SEC16B: variants seen among roughly 807,000 people sequenced by gnomAD.
SEC16B encodes SEC16 homolog B, endoplasmic reticulum export factor.
SEC16B carries 115 observed loss-of-function variants against 141.8 expected under a neutral mutation model. That is an observed-to-expected ratio of 0.81 (90% confidence interval 0.70 to 0.95). SEC16B has a LOEUF of 0.95. SEC16B is among the 40% of genes least tolerant of loss of function. The probability of loss-of-function intolerance (pLI) is 0.00; values close to 1 mark genes in which losing one functional copy is unlikely to be tolerated. For synonymous variants in SEC16B, 493 were observed against 492.5 expected, an observed-to-expected ratio of 1.00 and a Z score of -0.01; for missense variants, 1,291 against 1,312.3, an observed-to-expected ratio of 0.98 and a Z score of 0.25.
chr1:177,968,092 A>G, intron 1 of SEC16B, 53 bp from the exon 2 acceptor site: 1 of 1,074,382 alleles, frequency 9.3e-7, no homozygotes, highest in Non-Finnish European at 1.3e-6. Context: ...ATATCCAAAC[A>G]TAGTGGTTGA....
intron 15 of SEC16B, among the ~76,000 whole-genome samples, chr1:177,942,356 G>T (rs964036323): frequency 6.6e-6 from 1 of 152,172 alleles, no homozygotes; most frequent in Admixed American, 6.5e-5. Context: ...CTGATGTAGA[G>T]GCATAGCACC....
At chr1:177,948,922 T>TACACACACACACAC (rs71108020) in intron 12 of SEC16B, among the ~76,000 whole-genome samples, 1 of 149,264 alleles carries the variant, frequency 6.7e-6, no homozygotes, top group Non-Finnish European at 1.5e-5. Flanking sequence ...TAGGTATAAA[T>TACACACACACACAC]ACACACACAC....
At chr1:177,979,558 C>T (rs1953959) in intron 1 of SEC16B, among the ~76,000 whole-genome samples, 17,562 of 152,252 alleles carry the variant, frequency 0.12, 1,713 homozygotes, top group African/African-American at 0.26. Flanking sequence ...CCATAGAAGC[C>T]ACTTATGATG....
rs184746545 is a variant in SEC16B at position 177,968,968 on chromosome 1, G to A, written c.-59+916C>T. On this transcript the variant is annotated intron_variant, in intron 1 of 25. Transcript: ENST00000308284. ...TGCTCCAAGGACTGATTACCTTCCA[G>A]GTTCCTCTGCCCATTGCACGGGGTA... is the stretch of plus-strand genomic sequence containing the variant. Among the ~76,000 whole-genome samples the A allele has an allele frequency of 3.9e-5, 6 of 152,288 alleles. No individual in the cohort carries two copies. In the East Asian group the frequency reaches 1.2e-3, roughly 29 times the overall value.
intron 1 of SEC16B, among the ~76,000 whole-genome samples, chr1:177,976,535 T>C (rs10913480): frequency 0.14 from 20,808 of 152,178 alleles, 1,774 homozygotes; most frequent in East Asian, 0.42. Flanking sequence ...TGAATCCCAG[T>C]CCTACTATGC....
At chr1:177,960,454 C>T in intron 7 of SEC16B, 51 bp from the exon 8 acceptor site, 4 of 1,289,432 alleles carry the variant, frequency 3.1e-6, no homozygotes, top group Non-Finnish European at 4.4e-6. Flanking sequence ...CACCCTAGGC[C>T]CCTTTCAGTC....
At chr1:177,931,700 A>T (rs539410015) in intron 24 of SEC16B, among the ~76,000 whole-genome samples, 1 of 152,364 alleles carries the variant, frequency 6.6e-6, no homozygotes, top group South Asian at 2.1e-4. Context: ...GGCAATACTG[A>T]CAAGAAGAAA....
At chr1:177,955,305 G>A (rs1652514061) in intron 10 of SEC16B, among the ~76,000 whole-genome samples, 1 of 151,882 alleles carries the variant, frequency 6.6e-6, no homozygotes, top group Admixed American at 6.6e-5. Flanking sequence ...GACCAGCCCT[G>A]GCAACATAGC....
At chr1:177,930,147 G>T (rs189507199) in intron 25 of SEC16B, among the ~76,000 whole-genome samples, 3 of 152,252 alleles carry the variant, frequency 2.0e-5, no homozygotes, top group Admixed American at 2.0e-4. Flanking sequence ...CATTAGCAGA[G>T]CTAAGTCTAC....
Position 177,954,343 on chromosome 1 carries a change from A to G in SEC16B, c.1399T>C (p.Trp467Arg), listed in dbSNP as rs1444441547. The change falls in exon 11 of 26, where the codon TGG becomes CGG. Residue 467 changes from tryptophan (W) to arginine (R), a missense_variant. This residue lies in a region of SEC16B where 681 missense variants were observed against 675.5 expected (regional missense o/e 1.01). Transcript: ENST00000308284. ...CTGGACAGGAACAAAGCATGGCCCCACAAGTGGTTCTTCATGGCCCACTCC... is the reference window on the plus strand; with the variant it reads ...CTGGACAGGAACAAAGCATGGCCCCGCAAGTGGTTCTTCATGGCCCACTCC... ...ALEWAMKNHL[W>R]GHALFLSSKM... The G allele has an allele frequency of 8.9e-6, 14 of 1,575,796 alleles. No individual in the cohort carries two copies. The highest frequency in any genetic ancestry group is 1.1e-5 in the Non-Finnish European group (13 of 1,159,700).
rs376183957 is a variant in SEC16B at position 177,958,261 on chromosome 1, G to A, written c.1236C>T (p.Thr412=). The change falls in exon 10 of 26, where the codon ACC becomes ACT. Residue 412 remains threonine, a synonymous_variant. Transcript: ENST00000308284. ...QPPVANLINL[T]DEDWPVLSSG... ...AGCTCAGCACTGGCCAGTCCTCATC[G>A]GTCAGGTTGATGAGGTTGGCCACAG... The A allele has an allele frequency of 1.2e-5, 19 of 1,610,566 alleles. No homozygotes were observed. The highest frequency in any genetic ancestry group is 5.0e-5 in the Admixed American group (3 of 59,828).
chr1:177,981,727 A>G (rs1231982046), intron 1 of SEC16B, among the ~76,000 whole-genome samples: 1 of 152,122 alleles, frequency 6.6e-6, no homozygotes, highest in Non-Finnish European at 1.5e-5. Flanking sequence ...AGAGAAAGCT[A>G]TGTTCAGGAT....
intron 12 of SEC16B, 116 bp from the exon 13 acceptor site, chr1:177,948,058 A>T: frequency 1.2e-6 from 1 of 815,266 alleles, no homozygotes; most frequent in South Asian, 1.6e-5. Flanking sequence ...CCACTCTACC[A>T]CCTGCAATGC....
chr1:177,945,675 T>C (rs1327596134), intron 14 of SEC16B: 1 of 152,304 alleles, frequency 6.6e-6, no homozygotes, highest in Non-Finnish European at 1.5e-5. Context: ...CCTCCATAAG[T>C]GACGATTAAA....
At position 177,960,909 on chromosome 1, in the gene SEC16B, A is replaced by C. The variant is rs558592783; in HGVS notation, c.818T>G (p.Met273Arg). 1 of 1,613,974 alleles carries C rather than the reference A, an allele frequency of 6.2e-7. No homozygotes were observed. Residue 273 changes from methionine to arginine, a missense_variant, in exon 7 of 26, where the codon ATG becomes AGG. By Grantham distance (91) the Met-to-Arg change is moderately conservative. Coordinates refer to ENST00000308284, the MANE Select transcript of SEC16B (RefSeq NM_033127.4). ...AGGAACATGAGGGATGTAGAACTTC[A>C]TGGGTGCTTTGGGACCAGCTGAGGA... ...DVSSAGPKAP[M>R]KFYIPHVPVS...
At position 177,932,780 on chromosome 1, in the gene SEC16B, G is replaced by T; in HGVS notation, c.2850C>A (p.His950Gln). The change falls in exon 23 of 26, where the codon CAC becomes CAA. Residue 950 changes from histidine to glutamine, a missense_variant. His to Gln is a conservative substitution (Grantham distance 24). Transcript: ENST00000308284. ...TCAGTGAGAGGCCCAGGCCAGCCTGGTGGGGAGAAGATGCTCTGGGGGTCT... is the reference window on the plus strand; with the variant it reads ...TCAGTGAGAGGCCCAGGCCAGCCTGTTGGGGAGAAGATGCTCTGGGGGTCT... ...SEETPRASSP[H>Q]QAGLGLSLTP... The T allele has an allele frequency of 6.2e-7, 1 of 1,612,838 alleles. No homozygotes were observed. Among genetic ancestry groups the T allele is most frequent in the South Asian group, 1.1e-5 (1 of 90,674 alleles).
At position 177,960,746 on chromosome 1, in the gene SEC16B, G is replaced by C. The variant is rs774240989; in HGVS notation, c.936+45C>G. The C allele has an allele frequency of 1.9e-5, 30 of 1,554,786 alleles. No homozygotes were observed. In the East Asian group the frequency reaches 7.0e-4, roughly 36 times the overall value. On this transcript the variant is annotated intron_variant, in intron 7 of 25. Transcript: ENST00000308284. ...AAGGTAAGCATGTTAGGAGTAGTTGGGTAAGCAGTGTGCCAGCATTCCAGG... is the reference window on the plus strand; with the variant it reads ...AAGGTAAGCATGTTAGGAGTAGTTGCGTAAGCAGTGTGCCAGCATTCCAGG...
In SEC16B at chr1:177,946,464, G is replaced by A. The variant is rs985663578; in HGVS notation, c.1731C>T (p.Tyr577=). The part of the protein sequence containing the change: ...YLMAHVPFGH[Y]TVKTDHLVLL... ...AGACCAGATGGTCTGTCTTCACGGTGTAGTGGCCAAAGGGCACGTGAGCCA... is the reference window on the plus strand; with the variant it reads ...AGACCAGATGGTCTGTCTTCACGGTATAGTGGCCAAAGGGCACGTGAGCCA... Residue 577 remains tyrosine (Y), a synonymous_variant, in exon 14 of 26, where the codon TAC becomes TAT. Coordinates refer to ENST00000308284, the MANE Select transcript of SEC16B (RefSeq NM_033127.4). 3 of 1,583,814 alleles carry A rather than the reference G, an allele frequency of 1.9e-6. No individual in the cohort carries two copies. The highest frequency in any genetic ancestry group is 1.8e-5 in the Admixed American group (1 of 55,832).
At chr1:177,947,723 G>A in intron 13 of SEC16B, 102 bp downstream of exon 13, 1 of 614,900 alleles carries the variant, frequency 1.6e-6, no homozygotes, top group South Asian at 1.9e-5. Flanking sequence ...GGGAGGGGAG[G>A]TGAGGAGAGG....
Sources: gnomAD v4.1 joint callset for allele counts (sites outside exome capture counted in the v4.1 genomes callset) on GRCh38, gnomAD v4.1.1 for gene constraint, gnomAD v4.1.1 regional missense constraint, MANE v1.5 for transcripts, NCBI Gene and HGNC (gene_info 2026-07-23, HGNC 2026-07-21) for gene names.